DNAH14: variants seen among roughly 807,000 people sequenced by gnomAD.
DNAH14 encodes the protein dynein axonemal heavy chain 14, also known as axonemal beta dynein heavy chain 14.
In DNAH14, 478 loss-of-function variants were observed where a neutral mutation model predicts 520.9. The observed-to-expected ratio is 0.92, with a 90% CI of 0.85 to 0.99. DNAH14 has a LOEUF of 0.99. Among genes scored for constraint, DNAH14 ranks in the 50% least tolerant of loss-of-function variants. The pLI is 0.00. For missense variants in DNAH14, 4,831 were observed against 5,234.5 expected (o/e 0.92, Z 2.38); for synonymous variants, 1,581 against 1,757.2 (o/e 0.90, Z 2.51).
chr1:225,055,510 C>A (rs2148347942), intron 17 of DNAH14, among the ~76,000 whole-genome samples: 1 of 151,686 alleles, frequency 6.6e-6, no homozygotes, highest in African/African-American at 2.4e-5. Context: ...ACAACCATAG[C>A]TAAATTATTT....
Position 225,140,905 on chromosome 1 carries a change from C to T in DNAH14, c.4392C>T (p.Asn1464=), listed in dbSNP as rs1403094667. ...VADLVVLDTS[N]SRTKAILGAL... is the part of the protein sequence containing the mutation. The stretch of plus-strand genomic sequence containing the variant: ...ACCTGGTAGTGCTGGATACTAGTAA[C>T]TCTCGAACAAAAGCTATACTAGGGG... Residue 1464 remains asparagine, a synonymous_variant, in exon 28 of 86, where the codon AAC becomes AAT. Transcript: ENST00000682510. 3 of 1,551,312 alleles carry T rather than the reference C, an allele frequency of 1.9e-6. No homozygotes were observed. Among genetic ancestry groups the T allele is most frequent in the African/African-American group, 2.7e-5 (2 of 73,096 alleles).
At chr1:225,261,245 T>G (rs1465013787) in intron 46 of DNAH14, among the ~76,000 whole-genome samples, 1 of 152,232 alleles carries the variant, frequency 6.6e-6, no homozygotes, top group Non-Finnish European at 1.5e-5. Context: ...TTTCAGCTTT[T>G]GACCACTGAG....
intron 1 of DNAH14, among the ~76,000 whole-genome samples, chr1:224,938,610 A>G (rs892886736): frequency 1.3e-5 from 2 of 152,234 alleles, no homozygotes; most frequent in Admixed American, 6.5e-5. Context: ...AGTTAGTACA[A>G]CTACTATGGA....
chr1:225,310,437 A>T (rs190315125), intron 60 of DNAH14, among the ~76,000 whole-genome samples: 255 of 152,250 alleles, frequency 1.7e-3, no homozygotes, highest in African/African-American at 5.7e-3. Context: ...ACACACTCCT[A>T]TAATACTCTT....
intron 43 of DNAH14, among the ~76,000 whole-genome samples, chr1:225,241,242 C>T (rs568553052): frequency 6.6e-5 from 10 of 152,078 alleles, no homozygotes; most frequent in South Asian, 4.1e-4. Flanking sequence ...CTTTTTGAAT[C>T]GGTTCTAACA....
At chr1:225,141,140 A>T in intron 28 of DNAH14, 119 bp downstream of exon 28, 1 of 988,766 alleles carries the variant, frequency 1.0e-6, no homozygotes, top group East Asian at 2.6e-5. Context: ...GGCTTTACCA[A>T]AATTCTAAGC....
Position 225,085,623 on chromosome 1 carries a change from A to G in DNAH14, c.3407A>G (p.Lys1136Arg). ...NEAALEKMLF[K>R]IIDFWNTTPL... ...GCTGCTCTTGAAAAAATGCTATTTA[A>G]GATTATTGATTTTTGGAACACTACT... The change falls in exon 21 of 86, where the codon AAG becomes AGG. Residue 1136 changes from lysine to arginine, a missense_variant. Physicochemically the swap from Lys to Arg is conservative, Grantham distance 26. Coordinates refer to ENST00000682510, the MANE Select transcript of DNAH14 (RefSeq NM_001367479.1). 1 of 1,551,232 alleles carries G rather than the reference A, an allele frequency of 6.4e-7. No individual in the cohort carries two copies. Among genetic ancestry groups the G allele is most frequent in the South Asian group, 1.2e-5 (1 of 84,046 alleles).
intron 8 of DNAH14, among the ~76,000 whole-genome samples, chr1:224,994,384 CAT>C (rs1035402973): frequency 1.3e-5 from 2 of 151,952 alleles, no homozygotes; most frequent in Non-Finnish European, 2.9e-5. Context: ...ATAGTTATGA[CAT>C]ATCATCTTGA....
rs1347699559 is a variant in DNAH14, at chr1:224,951,651, T to TA, written c.-33-1019_-33-1018insA. On this transcript the variant is annotated intron_variant, in intron 1 of 85. Transcript: ENST00000682510. ...TACTGTGTAGATTTCTGGATTTTTT[T>TA]TTTTTTTTTTTTTTTTTGAGACGGA... 2.8e-5 allele frequency among the ~76,000 whole-genome samples: 4 copies of TA among 142,194 alleles called. No homozygotes were observed. In the East Asian group the frequency reaches 8.2e-4, roughly 29 times the overall value. The allele number at this position is 142,194 out of a possible 152,430, so 93.3% of individuals were successfully genotyped here. A position where few individuals can be genotyped will look rare whatever the true frequency, so the allele number is the denominator to read the frequency against.
chr1:225,085,124 A>T lies in DNAH14; in HGVS notation c.3328-420A>T, dbSNP rs569650007. Among the ~76,000 whole-genome samples, 11 of 152,298 alleles carry T rather than the reference A, an allele frequency of 7.2e-5. No individual in the cohort carries two copies. The South Asian group carries it at 1.9e-3, about 26-fold the overall frequency. The stretch of plus-strand genomic sequence containing the variant: ...GGATTGGGCATTATTCTTTAACACC[A>T]TCGAGATGACATATAGGAATGGTGG... On this transcript the variant is annotated intron_variant, in intron 20 of 85. Transcript: ENST00000682510.
intron 49 of DNAH14, among the ~76,000 whole-genome samples, chr1:225,267,555 G>C (rs1428331719): frequency 1.3e-5 from 2 of 152,082 alleles, no homozygotes; most frequent in African/African-American, 2.4e-5. Flanking sequence ...CTCCCAAAGT[G>C]CTGGGATTAC....
intron 56 of DNAH14, among the ~76,000 whole-genome samples, chr1:225,302,896 C>G (rs1376280451): frequency 6.6e-6 from 1 of 152,148 alleles, no homozygotes; most frequent in African/African-American, 2.4e-5. Flanking sequence ...ATAAAGTCCC[C>G]TACTGAACAG....
chr1:225,366,505 T>C (rs1047625765), intron 76 of DNAH14, among the ~76,000 whole-genome samples: 1 of 152,212 alleles, frequency 6.6e-6, no homozygotes, highest in African/African-American at 2.4e-5. Flanking sequence ...ATGAGTTCTT[T>C]AAAGAATCAG....
chr1:225,150,430 TCTC>T (rs2080384845), intron 31 of DNAH14, among the ~76,000 whole-genome samples: 1 of 152,234 alleles, frequency 6.6e-6, no homozygotes, highest in East Asian at 1.9e-4. Context: ...CAGAGGAGTC[TCTC>T]CTCCTCAATT....
intron 41 of DNAH14, among the ~76,000 whole-genome samples, chr1:225,226,273 G>A (rs1315412902): frequency 6.6e-6 from 1 of 152,126 alleles, no homozygotes; most frequent in East Asian, 1.9e-4. Flanking sequence ...GCACACATTG[G>A]ACTAAGGTGC....
At chr1:225,269,689 C>A (rs1574418246) in intron 49 of DNAH14, among the ~76,000 whole-genome samples, 1 of 152,186 alleles carries the variant, frequency 6.6e-6, no homozygotes, top group South Asian at 2.1e-4. Flanking sequence ...AGACACTTCA[C>A]AAAAGAAGAC....
At chr1:225,209,168 A>G (rs1186163638) in intron 41 of DNAH14, among the ~76,000 whole-genome samples, 1 of 152,164 alleles carries the variant, frequency 6.6e-6, no homozygotes, top group Non-Finnish European at 1.5e-5. Context: ...TTTTTAATTG[A>G]ATACCAGATA....
intron 63 of DNAH14, 31 bp downstream of exon 63, chr1:225,324,384 A>T: frequency 6.5e-7 from 1 of 1,541,788 alleles, no homozygotes; most frequent in South Asian, 1.2e-5. Context: ...ATCTGTCATG[A>T]TTTGGAAGTG....
chr1:225,191,983 G>A (rs1042151370), intron 37 of DNAH14, among the ~76,000 whole-genome samples: 1 of 151,666 alleles, frequency 6.6e-6, no homozygotes, highest in African/African-American at 2.4e-5. Flanking sequence ...CTTTGCTGGG[G>A]TAGTTTTTGA....
Sources: gnomAD v4.1 joint callset for allele counts (sites outside exome capture counted in the v4.1 genomes callset) on GRCh38, gnomAD v4.1.1 for gene constraint, MANE v1.5 for transcripts, NCBI Gene and HGNC (gene_info 2026-07-23, HGNC 2026-07-21) for gene names.